The following RC3H1 variants were observed in gnomAD, a reference collection of about 807,000 sequenced individuals.
RC3H1 encodes ring finger and CCCH-type domains 1, also known as roquin-1.
In RC3H1, 50 loss-of-function variants were observed where a neutral mutation model predicts 138.2. The ratio of observed to expected loss-of-function variants is 0.36; its 90% CI spans 0.29 to 0.46. RC3H1 has a LOEUF of 0.46. RC3H1 is among the 20% of genes least tolerant of loss of function. The pLI is 1.00. For missense variants in RC3H1, 1,031 were observed against 1,388.1 expected, an observed-to-expected ratio of 0.74 and a Z score of 4.09; for synonymous variants, 462 against 489.1, an observed-to-expected ratio of 0.94 and a Z score of 0.73.
intron 1 of RC3H1, among the ~76,000 whole-genome samples, chr1:174,003,351 C>T (rs991648474): frequency 1.3e-5 from 2 of 151,148 alleles, no homozygotes; most frequent in African/African-American, 4.9e-5. Flanking sequence ...TGAGCCACTG[C>T]ACTCCAGCCT....
chr1:173,964,061 A>G lies in RC3H1; in HGVS notation c.1743T>C (p.Ser581=). Residue 581 remains serine, a synonymous_variant, in exon 11 of 20, where the codon TCT becomes TCC. Coordinates refer to ENST00000367696, the MANE Select transcript of RC3H1 (RefSeq NM_172071.4). ...CCGTCTGTTGTGCTGGATATAACTG[A>G]GAACCTCGAGGTACCATCTGAAGTG... The part of the protein sequence containing the change: ...TKPLQMVPRG[S]QLYPAQQTDV... 1 of 1,614,178 alleles carries G rather than the reference A, an allele frequency of 6.2e-7. No homozygotes were observed. The highest frequency in any genetic ancestry group is 8.5e-7 in the Non-Finnish European group (1 of 1,180,032).
chr1:173,975,387 C>G (rs1660530775), intron 7 of RC3H1, among the ~76,000 whole-genome samples: 1 of 151,970 alleles, frequency 6.6e-6, no homozygotes, highest in South Asian at 2.1e-4. Context: ...AGCCACTGCA[C>G]CCGGCCGAGA....
chr1:173,952,022 G>C lies in RC3H1; in HGVS notation c.2487C>G (p.Pro829=), dbSNP rs1381135016. ...CACTCCCTGCTGCCACAACATCTTT[G>C]GGTTTTGCATCTTTGGTTCCAATGT... The part of the protein sequence containing the change: ...GSYIGTKDAK[P]KDVVAAGSVE... Residue 829 remains proline, a synonymous_variant, in exon 14 of 20, where the codon CCC becomes CCG. Transcript: ENST00000367696. 1 of 1,607,074 alleles carries C rather than the reference G, an allele frequency of 6.2e-7. No homozygotes were observed.
In RC3H1 at chr1:174,000,812, C is replaced by A. The variant is rs191595996; in HGVS notation, c.-150-7677G>T. Among the ~76,000 whole-genome samples the A allele has an allele frequency of 1.7e-3, 265 of 152,246 alleles. 2 individuals carry two copies. The highest frequency in any genetic ancestry group is 6.1e-3 in the African/African-American group (253 of 41,532). ...GAAAACTAATGAAGGCCTATTATAACACTTAATTTTTTAATCCTCAGCAGA... is the reference window on the plus strand; with the variant it reads ...GAAAACTAATGAAGGCCTATTATAAAACTTAATTTTTTAATCCTCAGCAGA... On this transcript the variant is annotated intron_variant, in intron 1 of 19. Transcript: ENST00000367696.
rs367847129 is a variant in RC3H1, at chr1:174,008,845, C to T, written c.-151+13251G>A. Among the ~76,000 whole-genome samples, 7 of 151,852 alleles carry T rather than the reference C, an allele frequency of 4.6e-5. No homozygotes were observed. The South Asian group carries it at 6.2e-4, about 14-fold the overall frequency. On this transcript the variant is annotated intron_variant, in intron 1 of 19. Transcript: ENST00000367696. ...CACAAAAATTAGCCAGGCGTGGTGG[C>T]GGGCACCGGTAATCCCAGCTACTTG...
intron 13 of RC3H1, among the ~76,000 whole-genome samples, chr1:173,957,906 G>C (rs1659715187): frequency 6.6e-6 from 1 of 152,076 alleles, no homozygotes; most frequent in Non-Finnish European, 1.5e-5. Context: ...AAGATGTTGT[G>C]ACTTTACTAA....
intron 2 of RC3H1, among the ~76,000 whole-genome samples, chr1:173,985,919 T>C (rs1661006570): frequency 6.6e-6 from 1 of 152,226 alleles, no homozygotes; most frequent in Non-Finnish European, 1.5e-5. Context: ...CTTTGCCCAT[T>C]TTGCCTAGTA....
Position 174,022,150 on chromosome 1 carries a change from ACCGCCGCGGCAGCCG to A in RC3H1, c.-220_-206del, listed in dbSNP as rs1661979914. 1 of 395,410 alleles carries A rather than the reference ACCGCCGCGGCAGCCG, an allele frequency of 2.5e-6. No individual in the cohort carries two copies. Among genetic ancestry groups the A allele is most frequent in the African/African-American group, 2.1e-5 (1 of 48,178 alleles). The allele number at this position is 395,410 out of a possible 1,614,324, so 24.5% of individuals were successfully genotyped here. A position where few individuals can be genotyped will look rare whatever the true frequency, so the allele number is the denominator to read the frequency against. On this transcript the variant is annotated 5_prime_UTR_variant, in exon 1 of 20. Coordinates refer to ENST00000367696, the MANE Select transcript of RC3H1 (RefSeq NM_172071.4). This position sits in a 1 kb window ranked among gnomAD's most constrained non-coding sequence, Gnocchi z 4.2. ...GCTCCGAGTCCCCGCGGCCGTCGCCACCGCCGCGGCAGCCGCCGCCGCCGCCGAGGCCACCGTTGA... is the reference window on the plus strand; with the variant it reads ...GCTCCGAGTCCCCGCGGCCGTCGCCACCGCCGCCGCCGAGGCCACCGTTGA...
Position 173,965,101 on chromosome 1 carries a change from G to A in RC3H1, c.1354C>T (p.Arg452Cys), listed in dbSNP as rs778751928. The A allele has an allele frequency of 3.7e-6, 6 of 1,609,076 alleles. No individual in the cohort carries two copies. The highest frequency in any genetic ancestry group is 2.2e-5 in the East Asian group (1 of 44,838). Residue 452 changes from arginine to cysteine, a missense_variant, in exon 10 of 20, where the codon CGC (arginine) becomes TGC (cysteine). This residue lies in a region of RC3H1 where 142 missense variants were observed against 224.6 expected (regional missense o/e 0.63). Transcript: ENST00000367696. ...ELEKFRKMNK[R>C]LVPRRPLSAS... ...CTCAAGGGTCTTCTCGGAACCAGGC[G>A]CTTATTCATTTTACGAAATCTATAT...
intron 19 of RC3H1, among the ~76,000 whole-genome samples, chr1:173,939,085 G>A (rs1220466814): frequency 1.3e-5 from 2 of 151,782 alleles, no homozygotes; most frequent in African/African-American, 4.8e-5. Flanking sequence ...TGTAACTAAA[G>A]TTTTATTGGA....
intron 1 of RC3H1, among the ~76,000 whole-genome samples, chr1:174,021,848 A>C (rs1245116145): frequency 6.6e-6 from 1 of 151,958 alleles, no homozygotes; most frequent in Non-Finnish European, 1.5e-5. Context: ...CTCTCGGCCT[A>C]CCTACCCCGA....
At chr1:173,953,376 A>G (rs1571181341) in intron 13 of RC3H1, among the ~76,000 whole-genome samples, 1 of 152,186 alleles carries the variant, frequency 6.6e-6, no homozygotes, top group East Asian at 1.9e-4. Flanking sequence ...GGTTCAAGCC[A>G]TTCTCCTGAC....
intron 1 of RC3H1, among the ~76,000 whole-genome samples, chr1:173,993,385 AC>A (rs1429604951): frequency 6.6e-6 from 1 of 150,794 alleles, no homozygotes; most frequent in Non-Finnish European, 1.5e-5. Flanking sequence ...TCCATCCAGG[AC>A]CCTAGTCTCT....
At position 173,961,709 on chromosome 1, in the gene RC3H1, A is replaced by C. The variant is rs201862893; in HGVS notation, c.2202+16T>G. The C allele has an allele frequency of 7.5e-6, 12 of 1,592,926 alleles. No homozygotes were observed. The African/African-American group carries it at 1.6e-4, about 22-fold the overall frequency. On this transcript the variant is annotated intron_variant, in intron 12 of 19. Coordinates refer to ENST00000367696, the MANE Select transcript of RC3H1 (RefSeq NM_172071.4). ...AGTCAAATTAAGTCTATGTAATAAAAAAAAATACAGCATACTCTGAGGTAC... is the reference window on the plus strand; with the variant it reads ...AGTCAAATTAAGTCTATGTAATAAACAAAAATACAGCATACTCTGAGGTAC...
chr1:173,965,182 AT>A (rs1660057709), intron 9 of RC3H1, 62 bp from the exon 10 acceptor site: 3 of 1,351,478 alleles, frequency 2.2e-6, no homozygotes, highest in Non-Finnish European at 2.0e-6. Context: ...AAGAACTAAA[AT>A]GTACTTAATA....
At chr1:173,990,560 GTAT>G (rs1164134769) in intron 2 of RC3H1, among the ~76,000 whole-genome samples, 3 of 149,006 alleles carry the variant, frequency 2.0e-5, no homozygotes, top group Admixed American at 2.0e-4. Context: ...TGTAAGAAAA[GTAT>G]TATTATTATT....
Position 173,993,091 on chromosome 1 carries a change from A to G in RC3H1, c.-106T>C. 1 of 750,126 alleles carries G rather than the reference A, an allele frequency of 1.3e-6. No individual in the cohort carries two copies. Among genetic ancestry groups the G allele is most frequent in the Non-Finnish European group, 2.2e-6 (1 of 460,676 alleles). The allele number at this position is 750,126 out of a possible 1,614,324, so 46.5% of individuals were successfully genotyped here. On this transcript the variant is annotated 5_prime_UTR_variant, in exon 2 of 20. Transcript: ENST00000367696. ...AAAAAAGTTTATCTTTTTTTTTTTT[A>G]AATATCTTCTGTAGATACAGTCAGC...
intron 6 of RC3H1, among the ~76,000 whole-genome samples, chr1:173,979,930 T>C (rs1660738933): frequency 6.6e-6 from 1 of 152,074 alleles, no homozygotes; most frequent in Non-Finnish European, 1.5e-5. Context: ...CTCACTCTGT[T>C]GCCGAGGTGC....
rs771260779 is a variant in RC3H1 at position 173,956,146 on chromosome 1, GA to G, written c.2371-4009del. Among the ~76,000 whole-genome samples the G allele has an allele frequency of 5.3e-3, 668 of 126,260 alleles. 2 individuals are homozygous for G. The highest frequency in any genetic ancestry group is 7.9e-3 in the Non-Finnish European group (483 of 61,064). 82.8% of individuals were successfully genotyped at this position (126,260 alleles called of 152,430 possible). Reference sequence around the variant, plus strand: ...AGTCTGTCTCAAAAAAAAAAAAAAAGAAAAAAAAAAGAAAAGAAAATTTGGA... The same window carrying G: ...AGTCTGTCTCAAAAAAAAAAAAAAAGAAAAAAAAAGAAAAGAAAATTTGGA... On this transcript the variant is annotated intron_variant, in intron 13 of 19. Transcript: ENST00000367696.
Sources: allele counts gnomAD v4.1 joint callset (sites outside exome capture counted in the v4.1 genomes callset), GRCh38; gene constraint gnomAD v4.1.1; regional missense constraint gnomAD v4.1.1; non-coding constraint Gnocchi (gnomAD v3.1); transcripts MANE v1.5; gene names NCBI Gene and HGNC (gene_info 2026-07-23, HGNC 2026-07-21).